The following KCTD15 variants were observed in gnomAD, a reference collection of about 807,000 sequenced individuals.
The protein encoded by KCTD15 is potassium channel tetramerization domain containing 15.
In KCTD15, 11 loss-of-function variants were observed where a neutral mutation model predicts 27.2. The observed-to-expected ratio is 0.41, with a 90% CI of 0.25 to 0.67. The LOEUF is 0.67. Ranked by LOEUF, KCTD15 falls within the 30% of genes least tolerant of loss-of-function variation. The probability of loss-of-function intolerance (pLI) is 0.35; values close to 1 mark genes in which losing one functional copy is unlikely to be tolerated. For synonymous variants in KCTD15, 163 were observed against 176.0 expected, an observed-to-expected ratio of 0.93 and a Z score of 0.58; for missense variants, 350 against 409.3, an observed-to-expected ratio of 0.86 and a Z score of 1.25.
intron 4 of KCTD15, 89 bp from the exon 5 acceptor site, chr19:33,806,774 T>C (rs1975723963): frequency 7.0e-7 from 1 of 1,437,824 alleles, no homozygotes; most frequent in Admixed American, 1.8e-5. Flanking sequence ...TCCAGCCGTG[T>C]GGGCCCTCAG....
In KCTD15 at chr19:33,813,495, T is replaced by TA. The variant is rs1156704358; in HGVS notation, c.*547_*548insA. The TA allele has an allele frequency of 2.3e-6, 1 of 432,576 alleles. No individual in the cohort carries two copies. The highest frequency in any genetic ancestry group is 4.6e-6 in the Non-Finnish European group (1 of 215,952). 26.8% of individuals were successfully genotyped at this position (432,576 alleles called of 1,614,324 possible). Reference sequence around the variant, plus strand: ...GCAGGGTGGACCAGCTGCCTGGCATTCAGGCCCAGATGCCTGCAGGGCTGG... The same window carrying TA: ...GCAGGGTGGACCAGCTGCCTGGCATTACAGGCCCAGATGCCTGCAGGGCTGG... On this transcript the variant is annotated 3_prime_UTR_variant, in exon 7 of 7. Transcript: ENST00000683859.
In KCTD15 at chr19:33,814,200, A is replaced by G. The variant is rs1976027425; in HGVS notation, c.*1252A>G. The G allele has an allele frequency of 6.6e-6, 1 of 152,650 alleles. No homozygotes were observed. Among genetic ancestry groups the G allele is most frequent in the Admixed American group, 6.5e-5 (1 of 15,280 alleles). The allele number at this position is 152,650 out of a possible 1,614,324, so 9.5% of individuals were successfully genotyped here. A position where few individuals can be genotyped will look rare whatever the true frequency, so the allele number is the denominator to read the frequency against. ...AATTGTCGTGCATTTGTGTGAACAC[A>G]TTGCGTTCCCAGTCCATGCCATAAA... On this transcript the variant is annotated 3_prime_UTR_variant, in exon 7 of 7. Transcript: ENST00000683859.
Position 33,812,934 on chromosome 19 carries a change from GAACCCCTGGACT to G in KCTD15, c.840_851del (p.Pro281_Ter284delextTer63). ...CCCCACTGCTGTTCGAATCAAGCAG[GAACCCCTGGACT>G]AGGCCCTGCTTCAGTGCCCACCTGG... is the stretch of plus-strand genomic sequence containing the variant. On this transcript the variant is annotated stop_lost and inframe_deletion, in exon 7 of 7. Coordinates refer to ENST00000683859, the MANE Select transcript of KCTD15 (RefSeq NM_001129994.2). The G allele has an allele frequency of 6.5e-7, 1 of 1,548,056 alleles. No homozygotes were observed. Among genetic ancestry groups the G allele is most frequent in the East Asian group, 2.4e-5 (1 of 40,866 alleles).
At chr19:33,812,120 G>C in intron 6 of KCTD15, 1 of 1,283,504 alleles carries the variant, frequency 7.8e-7, no homozygotes, top group Non-Finnish European at 9.8e-7. Context: ...GGCTTTGCAG[G>C]GAAGAGGGCC....
At chr19:33,795,992 T>A (rs939198537), upstream of KCTD15, 1 of 151,842 alleles carries the variant, frequency 6.6e-6, no homozygotes, top group Non-Finnish European at 1.5e-5. Context: ...GGCCCCCGGC[T>A]CCGCTCCAGC....
chr19:33,811,716 T>G (rs1375087386), intron 6 of KCTD15, 164 bp downstream of exon 6: 2 of 1,552,786 alleles, frequency 1.3e-6, no homozygotes, highest in Non-Finnish European at 1.8e-6. Flanking sequence ...TATGTCCCTC[T>G]CATAATTAAA....
Position 33,801,226 on chromosome 19 carries a change from C to T in KCTD15, c.126C>T (p.Ala42=), listed in dbSNP as rs1291852867. 3 of 1,613,374 alleles carry T rather than the reference C, an allele frequency of 1.9e-6. No homozygotes were observed. Among genetic ancestry groups the T allele is most frequent in the African/African-American group, 1.3e-5 (1 of 75,028 alleles). The change falls in exon 4 of 7, where the codon GCC becomes GCT. Residue 42 remains alanine, a synonymous_variant. Coordinates refer to ENST00000683859, the MANE Select transcript of KCTD15 (RefSeq NM_001129994.2). ...GGTCGCCTGTGTCTCCCCTGGCTGC[C>T]CAGGGCATCCCCCTGCCAGCCCAGC... ...LTRSPVSPLA[A]QGIPLPAQLT...
At chr19:33,801,373 T>C (rs547668978) in intron 4 of KCTD15, 31 bp downstream of exon 4, 11 of 1,574,242 alleles carry the variant, frequency 7.0e-6, no homozygotes, top group South Asian at 7.0e-5. Flanking sequence ...ACATCAGGCA[T>C]GTGTGGGTCA....
intron 4 of KCTD15, among the ~76,000 whole-genome samples, chr19:33,803,651 C>T (rs574242378): frequency 3.3e-5 from 5 of 152,084 alleles, no homozygotes; most frequent in South Asian, 2.1e-4. Context: ...CAAGCACAGC[C>T]GGGGCTGGGA....
chr19:33,806,828 C>A, intron 4 of KCTD15, 35 bp from the exon 5 acceptor site: 1 of 1,606,492 alleles, frequency 6.2e-7, no homozygotes. Flanking sequence ...TTGTCCCCAT[C>A]CCTTCAGACA....
In KCTD15 at chr19:33,812,778, C is replaced by A. The variant is rs1485767915; in HGVS notation, c.694-12C>A. 3.5e-6 allele frequency: 5 copies of A among 1,438,140 alleles called. No individual in the cohort carries two copies. Among genetic ancestry groups the A allele is most frequent in the Non-Finnish European group, 3.7e-6 (4 of 1,091,070 alleles). The allele number at this position is 1,438,140 out of a possible 1,614,324, so 89.1% of individuals were successfully genotyped here. A position where few individuals can be genotyped will look rare whatever the true frequency, so the allele number is the denominator to read the frequency against. On this transcript the variant is annotated splice_polypyrimidine_tract_variant and intron_variant, in intron 6 of 6. Coordinates refer to ENST00000683859, the MANE Select transcript of KCTD15 (RefSeq NM_001129994.2). ...AGCTTGGCCTTGATGACCTCTGTTT[C>A]TTCCTGGGCAGGTCCTGGAGCGGCT...
At chr19:33,796,036 T>C (rs529425565), upstream of KCTD15, 1 of 152,016 alleles carries the variant, frequency 6.6e-6, no homozygotes, top group South Asian at 2.1e-4. Context: ...TCTTCCCAAG[T>C]CCCGCCCCCA....
At chr19:33,798,324 C>T (rs189386181) in intron 1 of KCTD15, 2 of 152,266 alleles carry the variant, frequency 1.3e-5, no homozygotes, top group African/African-American at 4.8e-5. Context: ...GCTGCCGCAG[C>T]TCAGCCAGTT....
In KCTD15 at chr19:33,814,508, C is replaced by T. The variant is rs1380012435; in HGVS notation, c.*1560C>T. 6.6e-6 allele frequency: 1 copy of T among 152,214 alleles called. No individual in the cohort carries two copies. The highest frequency in any genetic ancestry group is 1.5e-5 in the Non-Finnish European group (1 of 68,046). 9.4% of individuals were successfully genotyped at this position (152,214 alleles called of 1,614,324 possible). On this transcript the variant is annotated 3_prime_UTR_variant, in exon 7 of 7. Coordinates refer to ENST00000683859, the MANE Select transcript of KCTD15 (RefSeq NM_001129994.2). ...AGCCAGATGGGAACTGGGAAAGAGA[C>T]AGAAGGCGTCTGGGTGCTTTTGAAC...
upstream of KCTD15, among the ~76,000 whole-genome samples, chr19:33,796,689 A>G (rs1473873997): frequency 4.2e-5 from 6 of 144,576 alleles, no homozygotes; most frequent in Non-Finnish European, 7.6e-5. Context: ...GGGCAGCCGG[A>G]GAGCGGCGCG....
At chr19:33,797,327 C>T (rs951510511) in intron 1 of KCTD15, 15 of 426,942 alleles carry the variant, frequency 3.5e-5, no homozygotes, top group South Asian at 1.6e-4. Context: ...CGCACTCTGG[C>T]CCCTGTTCTG....
chr19:33,797,485 C>T, intron 1 of KCTD15: 1 of 419,676 alleles, frequency 2.4e-6, no homozygotes, highest in Admixed American at 2.6e-5. Context: ...ACGCCCACCC[C>T]ACGAGTCCGA....
At position 33,813,468 on chromosome 19, in the gene KCTD15, C is replaced by T. The variant is rs1975997777; in HGVS notation, c.*520C>T. 1 of 448,148 alleles carries T rather than the reference C, an allele frequency of 2.2e-6. No individual in the cohort carries two copies. Among genetic ancestry groups the T allele is most frequent in the African/African-American group, 2.0e-5 (1 of 49,850 alleles). 27.8% of individuals were successfully genotyped at this position (448,148 alleles called of 1,614,324 possible). A position where few individuals can be genotyped will look rare whatever the true frequency, so the allele number is the denominator to read the frequency against. Reference sequence around the variant, plus strand: ...GTTCTCAGTCAGACGTGCAGCATGGCTGCAGGGTGGACCAGCTGCCTGGCA... The same window carrying T: ...GTTCTCAGTCAGACGTGCAGCATGGTTGCAGGGTGGACCAGCTGCCTGGCA... On this transcript the variant is annotated 3_prime_UTR_variant, in exon 7 of 7. Transcript: ENST00000683859.
chr19:33,807,495 G>A (rs1291228256), intron 5 of KCTD15, among the ~76,000 whole-genome samples: 7 of 152,134 alleles, frequency 4.6e-5, no homozygotes, highest in Admixed American at 2.0e-4. Flanking sequence ...AGGCCGAGGC[G>A]GGTGGATCAC....
Sources: gnomAD v4.1 joint callset for allele counts (sites outside exome capture counted in the v4.1 genomes callset) on GRCh38, gnomAD v4.1.1 for gene constraint, MANE v1.5 for transcripts, NCBI Gene and HGNC (gene_info 2026-07-23, HGNC 2026-07-21) for gene names.